Variants in DCLRE1C observed in about 807,000 individuals in gnomAD.
DCLRE1C encodes DNA cross-link repair 1C.
A neutral mutation model predicts 61.4 loss-of-function variants in DCLRE1C; 47 were observed. That is an observed-to-expected ratio of 0.77 (90% CI 0.61 to 0.98). The LOEUF (loss-of-function observed/expected upper bound fraction) is 0.98. Among genes scored for constraint, DCLRE1C ranks in the 50% least tolerant of loss-of-function variants. The pLI is 0.00. For missense variants in DCLRE1C, 858 were observed against 816.0 expected (o/e 1.05, Z -0.63); for synonymous variants, 337 against 287.6 (o/e 1.17, Z -1.74).
At chr10:14,902,318 TA>T, downstream of DCLRE1C, 1 of 851,332 alleles carries the variant, frequency 1.2e-6, no homozygotes, top group Non-Finnish European at 1.8e-6. Context: ...CTATCACTGA[TA>T]ATAAAGCTAA....
chr10:14,900,025 C>T (rs1175872131), downstream of DCLRE1C, among the ~76,000 whole-genome samples: 1 of 152,106 alleles, frequency 6.6e-6, no homozygotes, highest in Non-Finnish European at 1.5e-5. Context: ...TTACACAGAA[C>T]TGTATCTTAA....
chr10:14,925,352 T>C (rs2130814718), intron 11 of DCLRE1C, among the ~76,000 whole-genome samples: 1 of 152,244 alleles, frequency 6.6e-6, no homozygotes, highest in Non-Finnish European at 1.5e-5. Flanking sequence ...CCCTCTCATT[T>C]ATATAAGTTG....
chr10:14,949,226 A>G (rs1489613086), intron 1 of DCLRE1C, 139 bp from the exon 2 acceptor site: 3 of 669,278 alleles, frequency 4.5e-6, no homozygotes, highest in African/African-American at 3.6e-5. Context: ...CACATGGGCT[A>G]TGAGCTCTTT....
At position 14,919,689 on chromosome 10, in the gene DCLRE1C, A is replaced by G. The variant is rs1836779551; in HGVS notation, c.1156+49T>C. The G allele has an allele frequency of 3.6e-6, 5 of 1,396,886 alleles. No individual in the cohort carries two copies. The East Asian group carries it at 1.1e-4, about 32-fold the overall frequency. 86.5% of individuals were successfully genotyped at this position (1,396,886 alleles called of 1,614,324 possible). A position where few individuals can be genotyped will look rare whatever the true frequency, so the allele number is the denominator to read the frequency against. ...CCCAGACCCAAGCTCCCTGGAAAGC[A>G]GTGTTTGCAGGGAGCCCACCCCTCT... On this transcript the variant is annotated intron_variant, in intron 13 of 13. Coordinates refer to ENST00000378278, the MANE Select transcript of DCLRE1C (RefSeq NM_001033855.3).
In DCLRE1C at chr10:14,928,020, C is replaced by T; in HGVS notation, c.913G>A (p.Val305Met). The change falls in exon 10 of 14, where the codon GTG (valine) becomes ATG (methionine). Residue 305 changes from valine (V) to methionine (M), a missense_variant. By Grantham distance (21) the Val-to-Met change is conservative. Coordinates refer to ENST00000378278, the MANE Select transcript of DCLRE1C (RefSeq NM_001033855.3). Reference sequence around the variant, plus strand: ...CCTATGATATTGCTCTCTTACCTCACAATTACATTTGTTTTTCTGCTCCTT... The same window carrying T: ...CCTATGATATTGCTCTCTTACCTCATAATTACATTTGTTTTTCTGCTCCTT... ...GERSRKTNVIVRTGESSYRAC... is the reference protein window; with the variant it reads ...GERSRKTNVIMRTGESSYRAC... 2 of 1,613,762 alleles carry T rather than the reference C, an allele frequency of 1.2e-6. No individual in the cohort carries two copies. The highest frequency in any genetic ancestry group is 1.7e-6 in the Non-Finnish European group (2 of 1,179,838).
At chr10:14,901,193 C>A, downstream of DCLRE1C, 1 of 1,613,978 alleles carries the variant, frequency 6.2e-7, no homozygotes, top group South Asian at 1.1e-5. Context: ...TCGTCTTCCC[C>A]GAATAGCATT....
intron 1 of DCLRE1C, among the ~76,000 whole-genome samples, chr10:14,949,578 G>A (rs1450727387): frequency 1.3e-5 from 2 of 152,224 alleles, no homozygotes; most frequent in African/African-American, 4.8e-5. Flanking sequence ...ATTGAAAGGG[G>A]AATATTACTA....
Position 14,935,535 on chromosome 10 carries a change from A to C in DCLRE1C, c.392T>G (p.Val131Gly). The C allele has an allele frequency of 6.2e-7, 1 of 1,614,158 alleles. No homozygotes were observed. Among genetic ancestry groups the C allele is most frequent in the Non-Finnish European group, 8.5e-7 (1 of 1,180,004 alleles). Residue 131 changes from valine (V) to glycine (G), a missense_variant, in exon 6 of 14, where the codon GTC becomes GGC. Transcript: ENST00000378278. ...MFLFQGNNGT[V>G]LYTGDFRLAQ... is the part of the protein sequence containing the mutation. ...CAATCTGAAGTCTCCTGTGTACAGG[A>C]CAGTTCCATTATTGCCCTGAAATAA...
chr10:14,912,496 A>G (rs1374527606), intron 13 of DCLRE1C, among the ~76,000 whole-genome samples: 1 of 152,214 alleles, frequency 6.6e-6, no homozygotes, highest in African/African-American at 2.4e-5. Flanking sequence ...TCATAGCATT[A>G]TTATTTAAAA....
rs988594544 is a variant in DCLRE1C, at chr10:14,905,348, A to T, written c.*3060T>A. ...AAATTTTTGAGCATTGTCACTCACC[A>T]GGTACGTAAACATACTATGGTAAGT... On this transcript the variant is annotated 3_prime_UTR_variant, in exon 14 of 14. Transcript: ENST00000378278. Among the ~76,000 whole-genome samples, 1 of 152,258 alleles carries T rather than the reference A, an allele frequency of 6.6e-6. No homozygotes were observed. The highest frequency in any genetic ancestry group is 6.5e-5 in the Admixed American group (1 of 15,286).
chr10:14,941,889 A>G (rs1421563578), intron 3 of DCLRE1C, among the ~76,000 whole-genome samples: 11 of 152,138 alleles, frequency 7.2e-5, no homozygotes, highest in Admixed American at 5.9e-4. Flanking sequence ...TGGGAGGGGC[A>G]TGTTAAGCTC....
chr10:14,945,069 T>TA (rs765333164), intron 3 of DCLRE1C, 36 bp downstream of exon 3: 44 of 1,523,748 alleles, frequency 2.9e-5, no homozygotes, highest in African/African-American at 2.7e-4. Context: ...ACTTCCCACT[T>TA]AAAAAAAATT....
chr10:14,944,673 C>CTTTT (rs1165126470), intron 3 of DCLRE1C, among the ~76,000 whole-genome samples: 4 of 117,724 alleles, frequency 3.4e-5, no homozygotes, highest in Non-Finnish European at 5.3e-5. Flanking sequence ...TTTTTTTTTT[C>CTTTT]TTTTTTTTTT....
intron 8 of DCLRE1C, among the ~76,000 whole-genome samples, chr10:14,933,327 C>T (rs1186525733): frequency 6.6e-6 from 1 of 152,170 alleles, no homozygotes; most frequent in Non-Finnish European, 1.5e-5. Flanking sequence ...TCCACACAGA[C>T]AAAAACAATC....
downstream of DCLRE1C, chr10:14,903,971 T>TA: frequency 6.6e-6 from 1 of 152,218 alleles, no homozygotes; most frequent in Admixed American, 6.5e-5. Context: ...ATAAATTGTT[T>TA]ACATGATTGG....
At chr10:14,902,388 C>T (rs753560054), downstream of DCLRE1C, 107 of 1,529,862 alleles carry the variant, frequency 7.0e-5, no homozygotes, top group South Asian at 1.2e-3. Context: ...TCCTATATTT[C>T]TTTTTCTGTG....
In DCLRE1C at chr10:14,908,334, C is replaced by T. The variant is rs1374817881; in HGVS notation, c.*74G>A. On this transcript the variant is annotated 3_prime_UTR_variant, in exon 14 of 14. Coordinates refer to ENST00000378278, the MANE Select transcript of DCLRE1C (RefSeq NM_001033855.3). Reference sequence around the variant, plus strand: ...TGAACATTTTTAAGTACTGTATTTTCTCTATTGTAATATTGACTGTCATCT... The same window carrying T: ...TGAACATTTTTAAGTACTGTATTTTTTCTATTGTAATATTGACTGTCATCT... 8 of 1,199,234 alleles carry T rather than the reference C, an allele frequency of 6.7e-6. No individual in the cohort carries two copies. Among genetic ancestry groups the T allele is most frequent in the Non-Finnish European group, 9.8e-6 (8 of 814,162 alleles). 74.3% of individuals were successfully genotyped at this position (1,199,234 alleles called of 1,614,324 possible).
chr10:14,923,166 CT>C (rs1837402305), intron 11 of DCLRE1C, 97 bp from the exon 12 acceptor site: 1 of 935,646 alleles, frequency 1.1e-6, no homozygotes, highest in African/African-American at 1.6e-5. Context: ...GCAGAACTCT[CT>C]TATGGCTGTG....
exon 14 of DCLRE1C, chr10:14,897,451 T>C (rs199654065): frequency 6.2e-7 from 1 of 1,611,006 alleles, no homozygotes; most frequent in African/African-American, 1.3e-5. Flanking sequence ...GCAATGGACG[T>C]GGCTGGGGTG....
Sources: gnomAD v4.1 joint callset for allele counts (sites outside exome capture counted in the v4.1 genomes callset) on GRCh38, gnomAD v4.1.1 for gene constraint, MANE v1.5 for transcripts, NCBI Gene and HGNC (gene_info 2026-07-23, HGNC 2026-07-21) for gene names.